The following ARID1B variants were observed in gnomAD, a reference collection of about 807,000 sequenced individuals.
ARID1B encodes AT-rich interactive domain-containing protein 1B.
A neutral mutation model predicts 212.3 loss-of-function variants in ARID1B; 30 were observed. The observed-to-expected ratio is 0.14, with a 90% CI of 0.11 to 0.19. ARID1B has a LOEUF of 0.19. Ranked by LOEUF, ARID1B falls within the 10% of genes least tolerant of loss-of-function variation. ARID1B has a pLI of 1.00. For missense variants in ARID1B, 2,891 were observed against 3,204.0 expected (o/e 0.90, Z 2.36); for synonymous variants, 1,402 against 1,301.7 (o/e 1.08, Z -1.66).
At chr6:157,016,097 C>G (rs1345590382) in intron 4 of ARID1B, among the ~76,000 whole-genome samples, 2 of 152,192 alleles carry the variant, frequency 1.3e-5, no homozygotes, top group Admixed American at 6.5e-5. Flanking sequence ...GGCTTGTAGA[C>G]AGTGTCTGTC....
chr6:157,100,377 A>G (rs1452451974), intron 5 of ARID1B, among the ~76,000 whole-genome samples: 2 of 152,218 alleles, frequency 1.3e-5, no homozygotes, highest in Non-Finnish European at 2.9e-5. Context: ...ATAAACTGTT[A>G]ACCGGAACCA....
intron 4 of ARID1B, among the ~76,000 whole-genome samples, chr6:156,980,208 C>T (rs368118790): frequency 6.6e-6 from 1 of 152,096 alleles, no homozygotes; most frequent in East Asian, 1.9e-4. Context: ...GAAGGTCGGG[C>T]GTGATGGCTC....
At chr6:157,192,195 C>G (rs1319440720) in intron 15 of ARID1B, among the ~76,000 whole-genome samples, 1 of 152,036 alleles carries the variant, frequency 6.6e-6, no homozygotes, top group Non-Finnish European at 1.5e-5. Flanking sequence ...AGATGCTAGA[C>G]AGAACATTTC....
intron 3 of ARID1B, among the ~76,000 whole-genome samples, chr6:156,922,861 T>TA (rs948984405): frequency 1.3e-5 from 2 of 152,132 alleles, no homozygotes; most frequent in African/African-American, 4.8e-5. Flanking sequence ...AGATATGAGT[T>TA]ATGGTCCCAG....
At chr6:156,869,030 TA>T (rs962362685) in intron 2 of ARID1B, among the ~76,000 whole-genome samples, 9 of 151,442 alleles carry the variant, frequency 5.9e-5, no homozygotes, top group African/African-American at 9.7e-5. Context: ...ATTTCTGATT[TA>T]AAAAAAAATG....
chr6:157,157,172 A>AT (rs1254884611), intron 8 of ARID1B, among the ~76,000 whole-genome samples: 11 of 151,934 alleles, frequency 7.2e-5, no homozygotes, highest in Non-Finnish European at 4.4e-5. Context: ...TCACTCGGAG[A>AT]TGGCTCACCG....
intron 8 of ARID1B, chr6:157,149,851 G>A (rs1242449480): frequency 1.3e-5 from 2 of 152,208 alleles, no homozygotes; most frequent in African/African-American, 4.8e-5. Flanking sequence ...TTTTAAATGT[G>A]TCTTTTGTTA....
intron 4 of ARID1B, among the ~76,000 whole-genome samples, chr6:157,069,907 C>T (rs1783905137): frequency 6.6e-6 from 1 of 152,132 alleles, no homozygotes; most frequent in African/African-American, 2.4e-5. Flanking sequence ...ATACGAATAA[C>T]GTTTCTCCTT....
At chr6:156,969,437 C>G (rs1776767429) in intron 4 of ARID1B, among the ~76,000 whole-genome samples, 1 of 152,118 alleles carries the variant, frequency 6.6e-6, no homozygotes, top group African/African-American at 2.4e-5. Context: ...TTAAGACAAC[C>G]AGCTAGAGGA....
chr6:156,814,864 A>AT (rs894169064), intron 1 of ARID1B, among the ~76,000 whole-genome samples: 32 of 148,554 alleles, frequency 2.2e-4, no homozygotes, highest in South Asian at 8.6e-4. Context: ...TGTACTCCTC[A>AT]TTTTTTTTTT....
chr6:157,189,733 C>T lies in ARID1B; in HGVS notation c.4011C>T (p.Thr1337=), dbSNP rs749430350. ...TTCCAGGTGACCTGAAGCCACCTAC[C>T]CCAGCCTCCACCCCTCACGGCCAGA... ...AEVPGDLKPP[T]PASTPHGQMT... The change falls in exon 14 of 20, where the codon ACC becomes ACT. Residue 1337 remains threonine (T), a synonymous_variant. Coordinates refer to ENST00000636930, the MANE Select transcript of ARID1B (RefSeq NM_001374828.1). 1.1e-5 allele frequency: 17 copies of T among 1,613,994 alleles called. No homozygotes were observed. Among genetic ancestry groups the T allele is most frequent in the Non-Finnish European group, 1.0e-5 (12 of 1,180,046 alleles).
chr6:157,000,611 A>G (rs1012062141), intron 4 of ARID1B, among the ~76,000 whole-genome samples: 6 of 151,642 alleles, frequency 4.0e-5, no homozygotes, highest in African/African-American at 1.5e-4. Context: ...ACATTTTCCC[A>G]CCAGCATTTT....
At chr6:156,783,507 CTT>C (rs147036114) in intron 1 of ARID1B, among the ~76,000 whole-genome samples, 2 of 152,162 alleles carry the variant, frequency 1.3e-5, no homozygotes, top group East Asian at 1.9e-4. Flanking sequence ...TATTAATAGA[CTT>C]TATTTCTTTA....
intron 2 of ARID1B, among the ~76,000 whole-genome samples, chr6:156,846,596 G>T (rs1350033623): frequency 1.3e-5 from 2 of 152,110 alleles, no homozygotes; most frequent in African/African-American, 4.8e-5. Flanking sequence ...CCATCTTGTT[G>T]GCAGACCCTA....
intron 4 of ARID1B, among the ~76,000 whole-genome samples, chr6:157,013,670 T>C (rs115943564): frequency 1.4e-4 from 21 of 152,228 alleles, no homozygotes; most frequent in African/African-American, 5.1e-4. Context: ...TGGTTGAATG[T>C]GTACTGAAGG....
rs774550916 is a variant in ARID1B at position 156,925,615 on chromosome 6, A to AAT, written c.2137-9843_2137-9842dup. Among the ~76,000 whole-genome samples, 6 of 152,218 alleles carry AAT rather than the reference A, an allele frequency of 3.9e-5. No individual in the cohort carries two copies. In the South Asian group the frequency reaches 6.2e-4, roughly 16 times the overall value. Reference sequence around the variant, plus strand: ...CTGAATATTCTTTGGACTCATTAATAATATATATAGTTTATTAGAAGGAAT... The same window carrying AAT: ...CTGAATATTCTTTGGACTCATTAATAATATATATATAGTTTATTAGAAGGAAT... On this transcript the variant is annotated intron_variant, in intron 3 of 19. Transcript: ENST00000636930.
intron 1 of ARID1B, among the ~76,000 whole-genome samples, chr6:156,787,102 G>A (rs1779696047): frequency 6.6e-6 from 1 of 151,860 alleles, no homozygotes; most frequent in African/African-American, 2.4e-5. Context: ...GCGAAATATA[G>A]ATTCACTACC....
At chr6:156,921,555 C>T (rs952323352) in intron 3 of ARID1B, among the ~76,000 whole-genome samples, 10 of 151,676 alleles carry the variant, frequency 6.6e-5, no homozygotes, top group Non-Finnish European at 2.9e-5. Context: ...AGGGGGATGC[C>T]TGTGGCCTGT....
intron 6 of ARID1B, among the ~76,000 whole-genome samples, chr6:157,124,620 G>T (rs923637721): frequency 2.6e-5 from 4 of 152,174 alleles, no homozygotes; most frequent in African/African-American, 9.7e-5. Flanking sequence ...CCTCCCATTA[G>T]TGGATCTTTC....
Sources: gnomAD v4.1 joint callset for allele counts (sites outside exome capture counted in the v4.1 genomes callset) on GRCh38, gnomAD v4.1.1 for gene constraint, MANE v1.5 for transcripts, NCBI Gene and HGNC (gene_info 2026-07-23, HGNC 2026-07-21) for gene names.